Variants in ROS1 observed in about 807,000 individuals in gnomAD.
ROS1 encodes proto-oncogene tyrosine-protein kinase ROS.
Under a neutral mutation model 273.5 loss-of-function variants are expected in ROS1, and 263 were observed. That is an observed-to-expected ratio of 0.96 (90% CI 0.87 to 1.06). ROS1 has a LOEUF of 1.06. Among genes scored for constraint, ROS1 ranks in the 50% least tolerant of loss-of-function variants. The pLI is 0.00. For synonymous variants in ROS1, 1,008 were observed against 954.1 expected (o/e 1.06, Z -1.04); for missense variants, 2,833 against 2,751.1 (o/e 1.03, Z -0.67).
intron 9 of ROS1, 136 bp downstream of exon 9, chr6:117,396,052 G>A: frequency 2.1e-6 from 1 of 486,034 alleles, no homozygotes. Context: ...AACTTAACAA[G>A]TACCCAAAAG....
In ROS1 at chr6:117,288,738, C is replaced by T. The variant is rs367838842; in HGVS notation, c.6780G>A (p.Thr2260=). Residue 2260 remains threonine, a synonymous_variant, in exon 44 of 44, where the codon ACG becomes ACA. Coordinates refer to ENST00000368507, the MANE Select transcript of ROS1 (RefSeq NM_001378902.1). ...DDIMPVALME[T]KNREGLNYMV... ...TATAGTTTAACCCTTCTCGGTTCTTCGTTTCCATTAAAGCAACTGGCATAA... is the reference window on the plus strand; with the variant it reads ...TATAGTTTAACCCTTCTCGGTTCTTTGTTTCCATTAAAGCAACTGGCATAA... 4.8e-5 allele frequency: 78 copies of T among 1,613,798 alleles called. No homozygotes were observed. Among genetic ancestry groups the T allele is most frequent in the South Asian group, 3.0e-4 (27 of 90,998 alleles).
At position 117,360,338 on chromosome 6, in the gene ROS1, A is replaced by T; in HGVS notation, c.3430+4T>A. ...TATTTGCACAGATTTTAGAAAACAAATACCTGATGTTGTAGACTTTACAAC... is the reference window on the plus strand; with the variant it reads ...TATTTGCACAGATTTTAGAAAACAATTACCTGATGTTGTAGACTTTACAAC... On this transcript the variant is annotated splice_donor_region_variant and intron_variant, in intron 23 of 43. Transcript: ENST00000368507. The T allele has an allele frequency of 1.9e-6, 3 of 1,611,208 alleles. No individual in the cohort carries two copies. Among genetic ancestry groups the T allele is most frequent in the Non-Finnish European group, 2.5e-6 (3 of 1,177,786 alleles).
chr6:117,386,896 A>G lies in ROS1; in HGVS notation c.2103T>C (p.Asn701=), dbSNP rs750586553. ...AGAGGACTTGGGGTTTACCTGACAC[A>G]TTTCCTATATCAGAGGATAAGAACT... The part of the protein sequence containing the change: ...PGEFLSSDIG[N]VSDMDWYNNS... Residue 701 remains asparagine, a synonymous_variant, in exon 15 of 44, where the codon AAT becomes AAC. Transcript: ENST00000368507. The G allele has an allele frequency of 3.2e-6, 5 of 1,575,286 alleles. No individual in the cohort carries two copies. Among genetic ancestry groups the G allele is most frequent in the Non-Finnish European group, 4.4e-6 (5 of 1,147,628 alleles).
intron 42 of ROS1, among the ~76,000 whole-genome samples, chr6:117,305,655 G>A (rs187572500): frequency 2.6e-5 from 4 of 152,136 alleles, no homozygotes. Context: ...ATAAAACTTC[G>A]GTTCTCAAAT....
chr6:117,313,210 A>G (rs537981812), intron 39 of ROS1, among the ~76,000 whole-genome samples: 11 of 152,230 alleles, frequency 7.2e-5, no homozygotes, highest in African/African-American at 1.7e-4. Context: ...ACATATTTGT[A>G]TTACTTTGAC....
chr6:117,416,413 C>T (rs1217818724), intron 2 of ROS1, 96 bp from the exon 3 acceptor site: 3 of 810,872 alleles, frequency 3.7e-6, no homozygotes, highest in Non-Finnish European at 6.4e-6. Context: ...AGGCATCACT[C>T]TGTGTTTTAG....
At chr6:117,321,682 T>G in intron 35 of ROS1, among the ~76,000 whole-genome samples, 1 of 152,224 alleles carries the variant, frequency 6.6e-6, no homozygotes, top group Admixed American at 6.5e-5. Context: ...ATCTTAATAT[T>G]AAAACTTATT....
chr6:117,288,771 T>C lies in ROS1; in HGVS notation c.6747A>G (p.Ser2249=), dbSNP rs1329877089. ...GEDGDVICLN[S]DDIMPVALME... ...TTAAAGCAACTGGCATAATGTCATCTGAATTCAAACAAATCACATCGCCAT... is the reference window on the plus strand; with the variant it reads ...TTAAAGCAACTGGCATAATGTCATCCGAATTCAAACAAATCACATCGCCAT... Residue 2249 remains serine (S), a synonymous_variant, in exon 44 of 44, where the codon TCA becomes TCG. Transcript: ENST00000368507. The C allele has an allele frequency of 6.2e-7, 1 of 1,608,870 alleles. No individual in the cohort carries two copies. The highest frequency in any genetic ancestry group is 8.5e-7 in the Non-Finnish European group (1 of 1,177,616).
At chr6:117,325,254 G>A (rs1415337625) in intron 34 of ROS1, among the ~76,000 whole-genome samples, 1 of 152,134 alleles carries the variant, frequency 6.6e-6, no homozygotes, top group East Asian at 1.9e-4. Context: ...GTTCATTTAA[G>A]TCTTGAAGGA....
chr6:117,310,958 G>A, intron 40 of ROS1, 62 bp downstream of exon 40: 3 of 960,174 alleles, frequency 3.1e-6, no homozygotes, highest in South Asian at 2.9e-5. Flanking sequence ...TGCTTTACCT[G>A]CACTACAGGT....
At chr6:117,368,607 A>G (rs1780470268) in intron 18 of ROS1, among the ~76,000 whole-genome samples, 1 of 152,316 alleles carries the variant, frequency 6.6e-6, no homozygotes, top group South Asian at 2.1e-4. Flanking sequence ...TGACCGAGGA[A>G]CCAAAAGTTT....
intron 18 of ROS1, among the ~76,000 whole-genome samples, chr6:117,377,231 C>A (rs1781409072): frequency 6.6e-6 from 1 of 152,110 alleles, no homozygotes. Context: ...ATGCCTCAGC[C>A]TTCTGAGTAG....
chr6:117,333,683 C>T (rs1487745557), intron 32 of ROS1, among the ~76,000 whole-genome samples: 2 of 152,182 alleles, frequency 1.3e-5, no homozygotes, highest in Non-Finnish European at 2.9e-5. Flanking sequence ...GCTGATTCAA[C>T]ATATGCAAAT....
chr6:117,414,868 T>C (rs892081074), intron 3 of ROS1, among the ~76,000 whole-genome samples: 1 of 152,108 alleles, frequency 6.6e-6, no homozygotes, highest in Non-Finnish European at 1.5e-5. Flanking sequence ...CAAAGGTAAA[T>C]AGAACAGGAA....
chr6:117,317,115 A>T (rs200210796), intron 39 of ROS1, 28 bp downstream of exon 39: 2 of 1,598,292 alleles, frequency 1.3e-6, no homozygotes, highest in African/African-American at 2.7e-5. Context: ...GCATTATGAA[A>T]CCAATATTAT....
At chr6:117,397,837 C>T (rs1282311141) in intron 7 of ROS1, among the ~76,000 whole-genome samples, 2 of 152,152 alleles carry the variant, frequency 1.3e-5, no homozygotes, top group Non-Finnish European at 2.9e-5. Context: ...ATCTGTGTCT[C>T]CACCTGCTTT....
intron 9 of ROS1, among the ~76,000 whole-genome samples, chr6:117,395,326 T>C (rs1255605439): frequency 6.6e-6 from 1 of 152,168 alleles, no homozygotes; most frequent in Non-Finnish European, 1.5e-5. Context: ...TTAACCCTGC[T>C]CTATATTTAA....
Position 117,337,348 on chromosome 6 carries a change from AAG to A in ROS1, c.5062-10_5062-9del. On this transcript the variant is annotated splice_polypyrimidine_tract_variant and intron_variant, in intron 31 of 43. Coordinates refer to ENST00000368507, the MANE Select transcript of ROS1 (RefSeq NM_001378902.1). ...AAACTCATTGTATTTCCACTAGAAA[AAG>A]AAGTCTCGATTAATATTTTTGTTTC... 6.3e-7 allele frequency: 1 copy of A among 1,587,274 alleles called. No individual in the cohort carries two copies. The highest frequency in any genetic ancestry group is 8.5e-7 in the Non-Finnish European group (1 of 1,170,388).
At chr6:117,320,054 C>T (rs1432819659) in intron 36 of ROS1, 24 bp from the exon 37 acceptor site, 16 of 1,607,928 alleles carry the variant, frequency 1.0e-5, no homozygotes, top group East Asian at 2.2e-5. Context: ...ACATTTTTGT[C>T]TCCCCACCCT....
Sources: gnomAD v4.1 joint callset for allele counts (sites outside exome capture counted in the v4.1 genomes callset) on GRCh38, gnomAD v4.1.1 for gene constraint, MANE v1.5 for transcripts, NCBI Gene and HGNC (gene_info 2026-07-23, HGNC 2026-07-21) for gene names.